The following CATSPERB variants were observed in gnomAD, a reference collection of about 807,000 sequenced individuals.
The protein encoded by CATSPERB is cation channel sperm-associated auxiliary subunit beta.
In CATSPERB, 93 loss-of-function variants were observed where a neutral mutation model predicts 128.3. That is an observed-to-expected ratio of 0.72 (90% CI 0.61 to 0.86). The LOEUF (loss-of-function observed/expected upper bound fraction) is 0.86. Among genes scored for constraint, CATSPERB ranks in the 40% least tolerant of loss-of-function variants. The probability of loss-of-function intolerance (pLI) is 0.00; values close to 1 mark genes in which losing one functional copy is unlikely to be tolerated. For missense variants in CATSPERB, 1,153 were observed against 1,329.5 expected, an observed-to-expected ratio of 0.87 and a Z score of 2.06; for synonymous variants, 381 against 448.8, an observed-to-expected ratio of 0.85 and a Z score of 1.91.
At chr14:91,684,631 T>C (rs1264246047) in intron 10 of CATSPERB, among the ~76,000 whole-genome samples, 1 of 145,238 alleles carries the variant, frequency 6.9e-6, no homozygotes, top group African/African-American at 2.5e-5. Context: ...TTTTTTTAAA[T>C]TGAGAAGGAG....
chr14:91,614,733 C>T (rs1031664554), intron 20 of CATSPERB, among the ~76,000 whole-genome samples: 4 of 152,238 alleles, frequency 2.6e-5, no homozygotes, highest in East Asian at 1.9e-4. Flanking sequence ...GAGGTCAAGG[C>T]TGCAGTGAGC....
At chr14:91,696,096 G>A (rs937170239) in intron 7 of CATSPERB, among the ~76,000 whole-genome samples, 6 of 152,208 alleles carry the variant, frequency 3.9e-5, no homozygotes, top group African/African-American at 9.6e-5. Flanking sequence ...CTGAAGAGAG[G>A]AGTAGTTTTG....
chr14:91,691,474 A>G lies in CATSPERB; in HGVS notation c.864+49T>C, dbSNP rs11847804. The G allele has an allele frequency of 3.0e-3, 4,174 of 1,386,778 alleles. 98 individuals carry two copies. In the African/African-American group the frequency reaches 0.052, roughly 17 times the overall value. The allele number at this position is 1,386,778 out of a possible 1,614,324, so 85.9% of individuals were successfully genotyped here. A position where few individuals can be genotyped will look rare whatever the true frequency, so the allele number is the denominator to read the frequency against. ...TCTTGCATCTCATCTCAAGTTACCA[A>G]GTAAACACATATCTTCTAACCAGCC... On this transcript the variant is annotated intron_variant, in intron 10 of 26. Transcript: ENST00000256343.
intron 22 of CATSPERB, among the ~76,000 whole-genome samples, chr14:91,607,094 G>T (rs1471084168): frequency 2.7e-5 from 3 of 110,066 alleles, no homozygotes; most frequent in Admixed American, 1.0e-4. Flanking sequence ...CGGGGGGGGG[G>T]GGGGCGGTGA....
At chr14:91,716,236 A>G (rs1199175771) in intron 5 of CATSPERB, among the ~76,000 whole-genome samples, 1 of 152,216 alleles carries the variant, frequency 6.6e-6, no homozygotes, top group East Asian at 1.9e-4. Flanking sequence ...ACTAAGCCAA[A>G]TGGCAAATAA....
chr14:91,653,033 T>C (rs770892873), intron 15 of CATSPERB, among the ~76,000 whole-genome samples: 2 of 152,302 alleles, frequency 1.3e-5, no homozygotes, highest in African/African-American at 2.4e-5. Flanking sequence ...ATAGAGGAGA[T>C]TGTATAACTG....
intron 5 of CATSPERB, among the ~76,000 whole-genome samples, chr14:91,710,859 G>C (rs1250178091): frequency 1.3e-5 from 2 of 152,090 alleles, no homozygotes; most frequent in South Asian, 2.1e-4. Flanking sequence ...ATATCTTGCT[G>C]TGGTGTGGTT....
At chr14:91,586,311 G>A (rs1277451348) in intron 26 of CATSPERB, among the ~76,000 whole-genome samples, 1 of 152,112 alleles carries the variant, frequency 6.6e-6, no homozygotes, top group Non-Finnish European at 1.5e-5. Flanking sequence ...CTATTGTGCT[G>A]TTCCCCACAA....
chr14:91,581,490 T>G (rs1349537451), intron 26 of CATSPERB, among the ~76,000 whole-genome samples: 1 of 152,206 alleles, frequency 6.6e-6, no homozygotes, highest in African/African-American at 2.4e-5. Context: ...AGCTGGATCA[T>G]GACGAATAAG....
intron 24 of CATSPERB, 148 bp from the exon 25 acceptor site, chr14:91,588,226 A>C: frequency 3.3e-6 from 2 of 609,750 alleles, no homozygotes; most frequent in Non-Finnish European, 5.8e-6. Context: ...TGTCATGCAC[A>C]TTAAGGTACA....
chr14:91,690,738 A>AATGTGGGTAT (rs1895453858), intron 10 of CATSPERB, among the ~76,000 whole-genome samples: 1 of 152,202 alleles, frequency 6.6e-6, no homozygotes, highest in South Asian at 2.1e-4. Flanking sequence ...AGACAGTGTG[A>AATGTGGGTAT]ATGTGGGTAT....
At chr14:91,606,021 C>T (rs1171096989) in intron 22 of CATSPERB, among the ~76,000 whole-genome samples, 1 of 151,712 alleles carries the variant, frequency 6.6e-6, no homozygotes, top group Non-Finnish European at 1.5e-5. Flanking sequence ...ACTAAAAATA[C>T]AAAAATTAGC....
At chr14:91,727,987 G>A (rs1896146233) in intron 2 of CATSPERB, among the ~76,000 whole-genome samples, 1 of 152,146 alleles carries the variant, frequency 6.6e-6, no homozygotes, top group East Asian at 1.9e-4. Flanking sequence ...TCTTTCAATA[G>A]TTAAGCCCAT....
In CATSPERB at chr14:91,581,127, G is replaced by T. The variant is rs1389134741; in HGVS notation, c.3133-20C>A. On this transcript the variant is annotated intron_variant, in intron 26 of 26. Coordinates refer to ENST00000256343, the MANE Select transcript of CATSPERB (RefSeq NM_024764.4). The stretch of plus-strand genomic sequence containing the variant: ...ATAAATCTGCAACAGAAAAAGCAAA[G>T]TCTTTAAGCTTTCTGAATTTAGCAA... 2 of 1,590,462 alleles carry T rather than the reference G, an allele frequency of 1.3e-6. No homozygotes were observed. Among genetic ancestry groups the T allele is most frequent in the East Asian group, 4.5e-5 (2 of 44,684 alleles).
At chr14:91,636,294 T>C in intron 17 of CATSPERB, 131 bp downstream of exon 17, 2 of 756,634 alleles carry the variant, frequency 2.6e-6, no homozygotes, top group Middle Eastern at 3.9e-4. Context: ...GCCTGGGAGA[T>C]TGAGGCTGCA....
chr14:91,717,307 T>C (rs1895959740), intron 5 of CATSPERB, among the ~76,000 whole-genome samples: 1 of 152,080 alleles, frequency 6.6e-6, no homozygotes, highest in Non-Finnish European at 1.5e-5. Flanking sequence ...TATACATTTG[T>C]CAAAACCCAT....
intron 7 of CATSPERB, among the ~76,000 whole-genome samples, chr14:91,696,895 T>G (rs1566734224): frequency 6.6e-6 from 1 of 152,230 alleles, no homozygotes; most frequent in South Asian, 2.1e-4. Flanking sequence ...GCAGGTATGA[T>G]GGCAGATTTC....
At chr14:91,583,937 A>G (rs1458172468) in intron 26 of CATSPERB, among the ~76,000 whole-genome samples, 12 of 151,970 alleles carry the variant, frequency 7.9e-5, no homozygotes, top group Non-Finnish European at 4.4e-5. Flanking sequence ...TGCAGTGGTT[A>G]TTCACTGGCA....
chr14:91,600,471 A>C (rs1893590482), intron 22 of CATSPERB, among the ~76,000 whole-genome samples: 1 of 152,220 alleles, frequency 6.6e-6, no homozygotes, highest in Non-Finnish European at 1.5e-5. Flanking sequence ...TAATTTATAA[A>C]GAAAAGAGGT....
Sources: gnomAD v4.1 joint callset for allele counts (sites outside exome capture counted in the v4.1 genomes callset) on GRCh38, gnomAD v4.1.1 for gene constraint, MANE v1.5 for transcripts, NCBI Gene and HGNC (gene_info 2026-07-23, HGNC 2026-07-21) for gene names.